The following SEMA5B variants were observed in gnomAD, a reference collection of about 807,000 sequenced individuals.
SEMA5B encodes the protein semaphorin-5B.
In SEMA5B, 66 loss-of-function variants were observed where a neutral mutation model predicts 135.0. The observed-to-expected ratio is 0.49, with a 90% CI of 0.40 to 0.60. The LOEUF (loss-of-function observed/expected upper bound fraction) is 0.60. SEMA5B is among the 20% of genes least tolerant of loss of function. SEMA5B has a pLI of 0.00. For missense variants in SEMA5B, 1,501 were observed against 1,566.3 expected (o/e 0.96, Z 0.70); for synonymous variants, 690 against 639.5 (o/e 1.08, Z -1.19).
At chr3:122,983,642 C>T (rs797020703) in intron 1 of SEMA5B, among the ~76,000 whole-genome samples, 14 of 135,942 alleles carry the variant, frequency 1.0e-4, no homozygotes, top group African/African-American at 3.9e-4. Flanking sequence ...GGCGTGAACC[C>T]GGGAGGCGGA....
chr3:122,947,510 T>A (rs1275640923), intron 3 of SEMA5B, among the ~76,000 whole-genome samples: 5 of 152,146 alleles, frequency 3.3e-5, no homozygotes, highest in Non-Finnish European at 7.4e-5. Flanking sequence ...GCTCCGCATG[T>A]CCTCCTGTAT....
intron 18 of SEMA5B, among the ~76,000 whole-genome samples, 154 bp downstream of exon 18, chr3:122,912,689 G>A (rs1172074119): frequency 1.3e-5 from 2 of 152,162 alleles, no homozygotes; most frequent in Non-Finnish European, 2.9e-5. Context: ...CTACGGCCGG[G>A]GCAGAAATTT....
intron 1 of SEMA5B, among the ~76,000 whole-genome samples, chr3:122,986,167 G>A: frequency 6.6e-6 from 1 of 152,192 alleles, no homozygotes. Flanking sequence ...CTTACTCTAA[G>A]TGTGTTGTAG....
At chr3:122,940,530 G>A (rs1011360989) in intron 4 of SEMA5B, among the ~76,000 whole-genome samples, 2 of 152,158 alleles carry the variant, frequency 1.3e-5, no homozygotes, top group South Asian at 2.1e-4. Context: ...TTCCTATTTT[G>A]GTTCCTAAAC....
At chr3:122,967,940 A>T (rs561935349) in intron 1 of SEMA5B, among the ~76,000 whole-genome samples, 1 of 152,296 alleles carries the variant, frequency 6.6e-6, no homozygotes, top group East Asian at 1.9e-4. Flanking sequence ...CTCTGCGTGC[A>T]CAAGAGACCA....
intron 5 of SEMA5B, among the ~76,000 whole-genome samples, chr3:122,931,019 GC>G (rs1163107098): frequency 1.4e-5 from 2 of 143,326 alleles, no homozygotes; most frequent in Non-Finnish European, 3.1e-5. Context: ...GCACAGAATG[GC>G]TTTTTTGAGA....
chr3:122,915,503 G>A lies in SEMA5B; in HGVS notation c.1925C>T (p.Pro642Leu). ...CLCRARSCDS[P>L]RPRCGGLDCL... Reference sequence around the variant, plus strand: ...GTCAAGGCCCCCACAGCGGGGTCGAGGGGAATCACAGGATCGAGCTCGACA... The same window carrying A: ...GTCAAGGCCCCCACAGCGGGGTCGAAGGGAATCACAGGATCGAGCTCGACA... Residue 642 changes from proline (P) to leucine (L), a missense_variant, in exon 14 of 23, where the codon CCT becomes CTT. This residue lies in a region of SEMA5B where 927 missense variants were observed against 881.6 expected (regional missense o/e 1.05). Coordinates refer to ENST00000357599, the MANE Select transcript of SEMA5B (RefSeq NM_001031702.4). 1 of 1,613,980 alleles carries A rather than the reference G, an allele frequency of 6.2e-7. No homozygotes were observed. The highest frequency in any genetic ancestry group is 8.5e-7 in the Non-Finnish European group (1 of 1,179,980).
At chr3:123,015,025 G>A (rs960186753) in intron 1 of SEMA5B, among the ~76,000 whole-genome samples, 1 of 152,128 alleles carries the variant, frequency 6.6e-6, no homozygotes, top group South Asian at 2.1e-4. Context: ...CAAAGATGAA[G>A]GCAGAAATTA....
intron 1 of SEMA5B, among the ~76,000 whole-genome samples, chr3:122,962,391 G>A (rs1180397729): frequency 1.3e-5 from 2 of 152,198 alleles, no homozygotes; most frequent in Non-Finnish European, 1.5e-5. Flanking sequence ...CGGGAAGCCC[G>A]ACATGCAGGC....
intron 22 of SEMA5B, among the ~76,000 whole-genome samples, 181 bp downstream of exon 22, chr3:122,910,659 A>G (rs1937635998): frequency 6.6e-6 from 1 of 151,598 alleles, no homozygotes; most frequent in South Asian, 2.1e-4. Flanking sequence ...AAATACAAAA[A>G]ATTAGCCGGG....
rs376753328 is a variant in SEMA5B at position 122,943,492 on chromosome 3, C to G, written c.372G>C (p.Arg124=). Reference sequence around the variant, plus strand: ...GGTCCAAAGCCAGCTGGGAGAAATCCCGGGCTCCAGGGTAGGTGAAGTTAG... The same window carrying G: ...GGTCCAAAGCCAGCTGGGAGAAATCGCGGGCTCCAGGGTAGGTGAAGTTAG... ...WVSNFTYPGA[R]DFSQLALDPS... Residue 124 remains arginine (R), a synonymous_variant, in exon 4 of 23, where the codon CGG becomes CGC. Coordinates refer to ENST00000357599, the MANE Select transcript of SEMA5B (RefSeq NM_001031702.4). 6.2e-7 allele frequency: 1 copy of G among 1,610,422 alleles called. No homozygotes were observed. The highest frequency in any genetic ancestry group is 2.2e-5 in the East Asian group (1 of 44,752).
Position 122,913,208 on chromosome 3 carries a change from C to T in SEMA5B, c.2497G>A (p.Asp833Asn), listed in dbSNP as rs928471315. Reference sequence around the variant, plus strand: ...GCCGGGCGCGGGGTACCGTCGGTGTCGCAGGAGCCGGAGCCGTCCGCGGGA... The same window carrying T: ...GCCGGGCGCGGGGTACCGTCGGTGTTGCAGGAGCCGGAGCCGTCCGCGGGA... Reference protein sequence around the residue: ...TCPADGSGSCDTDALVEVLLR... With the variant: ...TCPADGSGSCNTDALVEVLLR... Residue 833 changes from aspartate to asparagine, a missense_variant, in exon 17 of 23, where the codon GAC becomes AAC. Asp to Asn is a conservative substitution (Grantham distance 23). This residue lies in a region of SEMA5B where 927 missense variants were observed against 881.6 expected (regional missense o/e 1.05). Coordinates refer to ENST00000357599, the MANE Select transcript of SEMA5B (RefSeq NM_001031702.4). 2.6e-6 allele frequency: 4 copies of T among 1,564,840 alleles called. No individual in the cohort carries two copies. In the African/African-American group the frequency reaches 5.5e-5, roughly 22 times the overall value.
chr3:122,959,228 C>T (rs898134223), intron 2 of SEMA5B, among the ~76,000 whole-genome samples: 2 of 152,264 alleles, frequency 1.3e-5, no homozygotes, highest in African/African-American at 2.4e-5. Context: ...ACAATAACCC[C>T]GTGAGGCGGG....
At chr3:123,007,547 T>G (rs1942343342) in intron 1 of SEMA5B, among the ~76,000 whole-genome samples, 1 of 152,172 alleles carries the variant, frequency 6.6e-6, no homozygotes, top group Admixed American at 6.5e-5. Flanking sequence ...TCATGAGAGC[T>G]CTGTCCTTAT....
rs376686012 is a variant in SEMA5B at position 122,942,852 on chromosome 3, C to T, written c.428+584G>A. 6.6e-5 allele frequency among the ~76,000 whole-genome samples: 10 copies of T among 152,330 alleles called. 1 individual carries two copies. The highest frequency in any genetic ancestry group is 6.5e-5 in the Admixed American group (1 of 15,302). On this transcript the variant is annotated intron_variant, in intron 4 of 22. Transcript: ENST00000357599. ...CTGGGGTCGGCCCTCTCTAAGCCCC[C>T]TCCCTACCAGAGCCAATGTTCTGTG...
At chr3:122,939,830 C>T (rs1267786081) in intron 4 of SEMA5B, among the ~76,000 whole-genome samples, 2 of 152,230 alleles carry the variant, frequency 1.3e-5, no homozygotes, top group Non-Finnish European at 2.9e-5. Context: ...CCTTTTCCAA[C>T]CATGGAGGCT....
At chr3:122,985,497 TA>T (rs201770626) in intron 1 of SEMA5B, among the ~76,000 whole-genome samples, 265 of 141,862 alleles carry the variant, frequency 1.9e-3, no homozygotes, top group Non-Finnish European at 1.5e-3. Context: ...CAGTGTCTCT[TA>T]AAAAAAAAAA....
chr3:123,000,667 C>T (rs1199214250), intron 1 of SEMA5B, among the ~76,000 whole-genome samples: 1 of 152,170 alleles, frequency 6.6e-6, no homozygotes, highest in African/African-American at 2.4e-5. Flanking sequence ...GGAACTCAAA[C>T]CCAGGGACTC....
At chr3:122,916,330 C>T (rs1480918490) in intron 12 of SEMA5B, among the ~76,000 whole-genome samples, 1 of 152,162 alleles carries the variant, frequency 6.6e-6, no homozygotes, top group Non-Finnish European at 1.5e-5. Context: ...AGTCATAAAA[C>T]ATTAGAGATG....
Sources: allele counts gnomAD v4.1 joint callset (sites outside exome capture counted in the v4.1 genomes callset), GRCh38; gene constraint gnomAD v4.1.1; regional missense constraint gnomAD v4.1.1; transcripts MANE v1.5; gene names NCBI Gene and HGNC (gene_info 2026-07-23, HGNC 2026-07-21).